Variants in ASB8 observed in about 807,000 individuals in gnomAD.
The protein encoded by ASB8 is ankyrin repeat and SOCS box containing 8.
Under a neutral mutation model 22.9 loss-of-function variants are expected in ASB8, and 15 were observed. That is an observed-to-expected ratio of 0.66 (90% CI 0.44 to 1.01). The LOEUF is 1.01. Among genes scored for constraint, ASB8 ranks in the 50% least tolerant of loss-of-function variants. The pLI is 0.00. For missense variants in ASB8, 294 were observed against 356.9 expected (o/e 0.82, Z 1.42); for synonymous variants, 124 against 140.8 (o/e 0.88, Z 0.84).
intron 1 of ASB8, among the ~76,000 whole-genome samples, chr12:48,156,218 C>T (rs1158977055): frequency 1.3e-5 from 2 of 151,962 alleles, no homozygotes; most frequent in African/African-American, 2.4e-5. Flanking sequence ...TCATATGTAT[C>T]GATAATTCAA....
rs772051680 is a variant in ASB8, at chr12:48,149,774, T to C, written c.459A>G (p.Thr153=). The change falls in exon 4 of 4, where the codon ACA becomes ACG. Residue 153 remains threonine, a synonymous_variant. Transcript: ENST00000317697. ...SVNALDYNND[T]PLSWAAMKGN... ...CCTTCATGGCAGCCCAGCTGAGCGG[T>C]GTATCATTGTTGTAATCCAGGGCAT... 9 of 1,613,942 alleles carry C rather than the reference T, an allele frequency of 5.6e-6. No homozygotes were observed. Among genetic ancestry groups the C allele is most frequent in the Non-Finnish European group, 7.6e-6 (9 of 1,179,990 alleles).
rs1592846695 is a variant in ASB8 at position 48,150,016 on chromosome 12, C to T, written c.235-18G>A. The T allele has an allele frequency of 1.9e-6, 3 of 1,606,426 alleles. No individual in the cohort carries two copies. Among genetic ancestry groups the T allele is most frequent in the Non-Finnish European group, 2.6e-6 (3 of 1,173,342 alleles). On this transcript the variant is annotated intron_variant, in intron 3 of 3. Coordinates refer to ENST00000317697, the MANE Select transcript of ASB8 (RefSeq NM_024095.5). Reference sequence around the variant, plus strand: ...GCATTCACCTGTAAAAAGGGAGGAACTATTACAGTAGACAGACTACTGAGA... The same window carrying T: ...GCATTCACCTGTAAAAAGGGAGGAATTATTACAGTAGACAGACTACTGAGA...
intron 1 of ASB8, 67 bp from the exon 2 acceptor site, chr12:48,153,596 C>T (rs1951239497): frequency 1.6e-6 from 2 of 1,264,144 alleles, no homozygotes; most frequent in Non-Finnish European, 2.2e-6. Flanking sequence ...GTTAGGTCTT[C>T]TCTGAGGCCT....
At chr12:48,156,199 TA>T (rs1032289882) in intron 1 of ASB8, among the ~76,000 whole-genome samples, 25 of 152,190 alleles carry the variant, frequency 1.6e-4, no homozygotes, top group African/African-American at 6.0e-4. Context: ...AGAATGCAAG[TA>T]AAAATATTCA....
At position 48,149,987 on chromosome 12, in the gene ASB8, C is replaced by G. The variant is rs1388772834; in HGVS notation, c.246G>C (p.Leu82=). The change falls in exon 4 of 4, where the codon CTG becomes CTC. Residue 82 remains leucine (L), a synonymous_variant. Coordinates refer to ENST00000317697, the MANE Select transcript of ASB8 (RefSeq NM_024095.5). The part of the protein sequence containing the change: ...LLEKGAEVNA[L]DGYNRTALHY... Reference sequence around the variant, plus strand: ...GGAGGGCTGTTCGGTTATACCCATCCAGGGCATTCACCTGTAAAAAGGGAG... The same window carrying G: ...GGAGGGCTGTTCGGTTATACCCATCGAGGGCATTCACCTGTAAAAAGGGAG... The G allele has an allele frequency of 6.2e-7, 1 of 1,613,068 alleles. No individual in the cohort carries two copies. Among genetic ancestry groups the G allele is most frequent in the South Asian group, 1.1e-5 (1 of 91,026 alleles).
chr12:48,149,606 C>T lies in ASB8; in HGVS notation c.627G>A (p.Glu209=). ...LGTEKEDSCF[E]LLHRAVGHFE... The stretch of plus-strand genomic sequence containing the variant: ...AGTGTCCAACAGCTCTGTGGAGGAG[C>T]TCAAAGCAAGAGTCCTCTTTCTCTG... Residue 209 remains glutamate (E), a synonymous_variant, in exon 4 of 4, where the codon GAG becomes GAA. Transcript: ENST00000317697. 6.2e-7 allele frequency: 1 copy of T among 1,614,160 alleles called. No individual in the cohort carries two copies. Among genetic ancestry groups the T allele is most frequent in the African/African-American group, 1.3e-5 (1 of 75,032 alleles).
Position 48,157,467 on chromosome 12 carries a change from T to C in ASB8, c.-42A>G, listed in dbSNP as rs545776218. 3 of 152,106 alleles carry C rather than the reference T, an allele frequency of 2.0e-5. No homozygotes were observed. The East Asian group carries it at 5.8e-4, about 29-fold the overall frequency. The allele number at this position is 152,106 out of a possible 1,614,324, so 9.4% of individuals were successfully genotyped here. On this transcript the variant is annotated 5_prime_UTR_variant, in exon 1 of 4. Transcript: ENST00000317697. ...CCAAGGACCGCACTCACCGAATTGC[T>C]GGGCTGAGGTGGGGGTTGAAAGCCG...
At chr12:48,153,263 A>C in intron 2 of ASB8, 105 bp downstream of exon 2, 1 of 1,420,228 alleles carries the variant, frequency 7.0e-7, no homozygotes, top group South Asian at 1.2e-5. Flanking sequence ...AAATGTAAAA[A>C]CTCCCTGTGA....
At position 48,148,847 on chromosome 12, in the gene ASB8, A is replaced by G. The variant is rs1951147314; in HGVS notation, c.*519T>C. On this transcript the variant is annotated 3_prime_UTR_variant, in exon 4 of 4. Transcript: ENST00000317697. ...CCCAGCTAATTTTTGTATTTTTAGT[A>G]GAGACGGGGTTTCATCATATTGGTC... is the stretch of plus-strand genomic sequence containing the variant. 1 of 156,242 alleles carries G rather than the reference A, an allele frequency of 6.4e-6. No homozygotes were observed. Among genetic ancestry groups the G allele is most frequent in the Non-Finnish European group, 1.4e-5 (1 of 70,658 alleles). 9.7% of individuals were successfully genotyped at this position (156,242 alleles called of 1,614,324 possible). A position where few individuals can be genotyped will look rare whatever the true frequency, so the allele number is the denominator to read the frequency against.
chr12:48,154,480 CA>C lies in ASB8; in HGVS notation c.-33-952del, dbSNP rs11384481. On this transcript the variant is annotated intron_variant, in intron 1 of 3. Transcript: ENST00000317697. ...TGGGCAACAGAGTGAGACTCTATCT[CA>C]AAAAAAAAAAAAAAAAAAAGGAAAT... is the stretch of plus-strand genomic sequence containing the variant. 1.2e-3 allele frequency among the ~76,000 whole-genome samples: 86 copies of C among 73,810 alleles called. 1 individual carries two copies. The highest frequency in any genetic ancestry group is 3.3e-3 in the African/African-American group (61 of 18,700). The allele number at this position is 73,810 out of a possible 152,430, so 48.4% of individuals were successfully genotyped here.
chr12:48,153,331 A>G lies in ASB8; in HGVS notation c.129+37T>C, dbSNP rs113300976. On this transcript the variant is annotated intron_variant, in intron 2 of 3. Transcript: ENST00000317697. ...TCCATGAGGATTTTGCCCACTTCAT[A>G]TCGCAAGGACTCTCCTGTCAATACC... 12,399 of 1,609,672 alleles carry G rather than the reference A, an allele frequency of 7.7e-3. 176 individuals carry two copies. Among genetic ancestry groups the G allele is most frequent in the African/African-American group, 0.048 (3,629 of 74,938 alleles).
rs182634647 is a variant in ASB8, at chr12:48,152,662, T to A, written c.129+706A>T. The stretch of plus-strand genomic sequence containing the variant: ...GTAAAAAATCTCTCCATGTAATTAT[T>A]GTAACCCAGGTATGAAGAAAGGCTC... On this transcript the variant is annotated intron_variant, in intron 2 of 3. Transcript: ENST00000317697. Among the ~76,000 whole-genome samples, 717 of 152,296 alleles carry A rather than the reference T, an allele frequency of 4.7e-3. 4 individuals carry two copies. The highest frequency in any genetic ancestry group is 0.034 in the South Asian group (166 of 4,824).
rs980469845 is a variant in ASB8, at chr12:48,153,301, T to C, written c.129+67A>G. On this transcript the variant is annotated intron_variant, in intron 2 of 3. Transcript: ENST00000317697. ...TTGGGTTGAGTCAAAGCTGCAAATCTGTGATCCATGAGGATTTTGCCCACT... is the reference window on the plus strand; with the variant it reads ...TTGGGTTGAGTCAAAGCTGCAAATCCGTGATCCATGAGGATTTTGCCCACT... 1.9e-6 allele frequency: 3 copies of C among 1,572,124 alleles called. No homozygotes were observed. The African/African-American group carries it at 4.1e-5, about 21-fold the overall frequency.
chr12:48,150,991 G>A (rs985181418), intron 3 of ASB8: 3 of 606,568 alleles, frequency 4.9e-6, no homozygotes, highest in Non-Finnish European at 5.8e-6. Flanking sequence ...CAAGCAGGGT[G>A]GGGACAGAAA....
At chr12:48,152,535 C>T (rs768971132) in intron 2 of ASB8, among the ~76,000 whole-genome samples, 1 of 152,132 alleles carries the variant, frequency 6.6e-6, no homozygotes, top group African/African-American at 2.4e-5. Flanking sequence ...ATTAAACATC[C>T]GATGGTTAAG....
chr12:48,150,064 A>T (rs1037431789), intron 3 of ASB8, 66 bp from the exon 4 acceptor site: 21 of 1,538,630 alleles, frequency 1.4e-5, no homozygotes, highest in South Asian at 1.2e-4. Flanking sequence ...AGCAGCAAAG[A>T]AGCTTGCATG....
At chr12:48,151,599 G>T (rs1565927839) in intron 2 of ASB8, 1 of 1,442,796 alleles carries the variant, frequency 6.9e-7, no homozygotes, top group Admixed American at 2.1e-5. Context: ...ATGTATCAAA[G>T]CACTGGAAAC....
At chr12:48,151,178 T>A (rs750324256) in intron 3 of ASB8, 23 bp downstream of exon 3, 1 of 1,555,992 alleles carries the variant, frequency 6.4e-7, no homozygotes, top group Non-Finnish European at 8.9e-7. Context: ...GAGTCATTAA[T>A]GTGAATGTGT....
chr12:48,150,170 G>C, intron 3 of ASB8, 172 bp from the exon 4 acceptor site: 1 of 743,692 alleles, frequency 1.3e-6, no homozygotes, highest in Non-Finnish European at 2.4e-6. Flanking sequence ...TATGACAGGA[G>C]CTTAGGAGCA....
Sources: allele counts gnomAD v4.1 joint callset (sites outside exome capture counted in the v4.1 genomes callset), GRCh38; gene constraint gnomAD v4.1.1; transcripts MANE v1.5; gene names NCBI Gene and HGNC (gene_info 2026-07-23, HGNC 2026-07-21).